Variants in TMIGD3 observed in about 807,000 individuals in gnomAD.
The protein encoded by TMIGD3 is transmembrane and immunoglobulin domain containing 3.
A neutral mutation model predicts 28.1 loss-of-function variants in TMIGD3; 21 were observed. The ratio of observed to expected loss-of-function variants is 0.75; its 90% CI spans 0.53 to 1.08. The LOEUF (loss-of-function observed/expected upper bound fraction) is 1.08. TMIGD3 is among the 50% of genes least tolerant of loss of function. TMIGD3 has a pLI of 0.00. For synonymous variants in TMIGD3, 151 were observed against 162.1 expected, an observed-to-expected ratio of 0.93 and a Z score of 0.52; for missense variants, 416 against 435.6, an observed-to-expected ratio of 0.96 and a Z score of 0.40.
At chr1:111,511,591 A>T (rs777600111) in intron 1 of TMIGD3, among the ~76,000 whole-genome samples, 1 of 152,150 alleles carries the variant, frequency 6.6e-6, no homozygotes, top group Non-Finnish European at 1.5e-5. Context: ...TAATATTTAC[A>T]TTACAGTTGC....
chr1:111,491,999 G>A (rs80302860), intron 1 of TMIGD3, among the ~76,000 whole-genome samples: 14,642 of 152,192 alleles, frequency 0.096, 818 homozygotes, highest in Middle Eastern at 0.18. Context: ...AGAAGTGATG[G>A]CATGTGATTT....
chr1:111,504,049 T>C, upstream of TMIGD3: 2 of 985,402 alleles, frequency 2.0e-6, no homozygotes, highest in Non-Finnish European at 2.4e-6. Context: ...TAGCCAGAAC[T>C]ATTCCTGCTA....
At chr1:111,499,309 C>T (rs185002515) in intron 1 of TMIGD3, 115 of 480,328 alleles carry the variant, frequency 2.4e-4, no homozygotes, top group African/African-American at 2.4e-3. Context: ...TGTTCTGGGG[C>T]TAAGAGTAAG....
upstream of TMIGD3, among the ~76,000 whole-genome samples, chr1:111,507,187 T>C (rs1022503009): frequency 6.6e-6 from 1 of 151,824 alleles, no homozygotes; most frequent in Non-Finnish European, 1.5e-5. Context: ...TTTGGGAGGC[T>C]GAGGTGAGAG....
intron 1 of TMIGD3, among the ~76,000 whole-genome samples, chr1:111,528,881 C>T (rs1656355865): frequency 1.3e-5 from 2 of 152,010 alleles, no homozygotes. Context: ...GAAACTTCTT[C>T]ATAATTGGTT....
intron 2 of TMIGD3, 72 bp downstream of exon 2, chr1:111,490,584 G>T: frequency 8.8e-7 from 1 of 1,137,236 alleles, no homozygotes; most frequent in Non-Finnish European, 1.3e-6. Context: ...CCAAGTAGGT[G>T]AGGACTTCAG....
At chr1:111,506,873 A>T (rs1655507456), upstream of TMIGD3, among the ~76,000 whole-genome samples, 1 of 149,222 alleles carries the variant, frequency 6.7e-6, no homozygotes, top group Non-Finnish European at 1.5e-5. Flanking sequence ...GGATCAAGGT[A>T]CAATTTTTTT....
At chr1:111,516,145 C>T (rs1655859164) in intron 1 of TMIGD3, among the ~76,000 whole-genome samples, 1 of 152,272 alleles carries the variant, frequency 6.6e-6, no homozygotes, top group Admixed American at 6.5e-5. Context: ...GGGCAGACGG[C>T]CCTCACCTCC....
intron 1 of TMIGD3, among the ~76,000 whole-genome samples, chr1:111,562,656 C>G (rs1657786160): frequency 6.6e-6 from 1 of 152,224 alleles, no homozygotes; most frequent in Non-Finnish European, 1.5e-5. Flanking sequence ...CCTAAACCCA[C>G]TGCCATGTTT....
intron 1 of TMIGD3, among the ~76,000 whole-genome samples, chr1:111,551,384 A>G (rs1657253259): frequency 6.6e-6 from 1 of 152,058 alleles, no homozygotes; most frequent in African/African-American, 2.4e-5. Flanking sequence ...TAATTCCTTT[A>G]CCATTTCTTT....
intron 1 of TMIGD3, among the ~76,000 whole-genome samples, chr1:111,522,889 A>G (rs569506067): frequency 1.3e-5 from 2 of 152,266 alleles, no homozygotes; most frequent in Non-Finnish European, 2.9e-5. Flanking sequence ...TTGTGTATTG[A>G]ACTTATGTAG....
intron 1 of TMIGD3, among the ~76,000 whole-genome samples, chr1:111,495,260 C>T (rs998544244): frequency 6.6e-6 from 1 of 152,106 alleles, no homozygotes; most frequent in Non-Finnish European, 1.5e-5. Flanking sequence ...GGAACTTAAA[C>T]AAATTTACAA....
intron 1 of TMIGD3, chr1:111,563,726 G>C: frequency 1.4e-6 from 1 of 722,288 alleles, no homozygotes; most frequent in East Asian, 2.5e-5. Context: ...TACACGCTAG[G>C]ACAAAGCATT....
chr1:111,540,288 C>T (rs1391721496), intron 1 of TMIGD3, among the ~76,000 whole-genome samples: 1 of 152,216 alleles, frequency 6.6e-6, no homozygotes, highest in Non-Finnish European at 1.5e-5. Flanking sequence ...AGGGTTGGTG[C>T]AGGAGCACTA....
intron 1 of TMIGD3, among the ~76,000 whole-genome samples, chr1:111,559,189 A>G (rs1657632571): frequency 6.6e-6 from 1 of 152,218 alleles, no homozygotes; most frequent in Non-Finnish European, 1.5e-5. Flanking sequence ...ACTAGTATTT[A>G]GAGGGAAATG....
chr1:111,487,233 G>T (rs1459562239), intron 3 of TMIGD3, among the ~76,000 whole-genome samples: 1 of 152,196 alleles, frequency 6.6e-6, no homozygotes, highest in African/African-American at 2.4e-5. Flanking sequence ...CTGAGCCTAA[G>T]ATTCAGGTCA....
intron 1 of TMIGD3, among the ~76,000 whole-genome samples, chr1:111,548,075 C>CA (rs1247120768): frequency 6.6e-6 from 1 of 152,236 alleles, no homozygotes; most frequent in Non-Finnish European, 1.5e-5. Flanking sequence ...GGCTGGTGTG[C>CA]AGTGGCACAA....
intron 5 of TMIGD3, among the ~76,000 whole-genome samples, chr1:111,484,289 A>G (rs1425294963): frequency 1.3e-5 from 2 of 152,214 alleles, no homozygotes; most frequent in Non-Finnish European, 2.9e-5. Context: ...CCATCTTTGT[A>G]TCCCCAGCAT....
In TMIGD3 at chr1:111,488,766, C is replaced by A. The variant is rs1191351880; in HGVS notation, c.716G>T (p.Arg239Leu). ...DTGWYWCGIQ[R>L]DFARDDMDFT... ...ATCCATGTCATCCCTGGCAAAGTCC[C>A]GCTGGATGCCACACCAGTACCAGCC... The change falls in exon 3 of 6, where the codon CGG (arginine) becomes CTG (leucine). Residue 239 changes from arginine to leucine, a missense_variant. Physicochemically the swap from Arg to Leu is moderately radical, Grantham distance 102. Transcript: ENST00000369716. 6.2e-7 allele frequency: 1 copy of A among 1,614,172 alleles called. No individual in the cohort carries two copies. The highest frequency in any genetic ancestry group is 1.7e-5 in the Admixed American group (1 of 60,028).
Sources: gnomAD v4.1 joint callset for allele counts (sites outside exome capture counted in the v4.1 genomes callset) on GRCh38, gnomAD v4.1.1 for gene constraint, MANE v1.5 for transcripts, NCBI Gene and HGNC (gene_info 2026-07-23, HGNC 2026-07-21) for gene names.